Variants in ANP32A observed in about 807,000 individuals in gnomAD.
ANP32A encodes the protein acidic nuclear phosphoprotein 32 family member A.
In ANP32A, 1 loss-of-function variant was observed where a neutral mutation model predicts 33.9. The observed-to-expected ratio is 0.03, with a 90% CI of 0.01 to 0.14. The LOEUF is 0.14. Ranked by LOEUF, ANP32A falls within the 10% of genes least tolerant of loss-of-function variation. The pLI is 1.00. For missense variants in ANP32A, 155 were observed against 306.0 expected (o/e 0.51, Z 3.68); for synonymous variants, 115 against 120.5 (o/e 0.95, Z 0.30).
At chr15:68,788,989 C>T (rs984866704) in intron 1 of ANP32A, among the ~76,000 whole-genome samples, 5 of 152,038 alleles carry the variant, frequency 3.3e-5, no homozygotes, top group African/African-American at 7.2e-5. Context: ...AAAGACAGGC[C>T]GAGGAAAAGT....
intron 1 of ANP32A, among the ~76,000 whole-genome samples, chr15:68,800,696 ATCCCGCCACTGC>A: frequency 3.2e-4 from 1 of 3,174 alleles, no homozygotes; most frequent in Non-Finnish European, 2.0e-3. Flanking sequence ...GTGAGCCGAG[ATCCCGCCACTGC>A]GCTCCAGCCT....
chr15:68,794,288 G>A (rs532596178), intron 1 of ANP32A, among the ~76,000 whole-genome samples: 3 of 152,304 alleles, frequency 2.0e-5, no homozygotes, highest in South Asian at 4.1e-4. Context: ...TAGTAAATAC[G>A]AGGCCTCTTA....
chr15:68,785,224 G>A (rs1038056310), intron 3 of ANP32A, among the ~76,000 whole-genome samples: 1 of 152,190 alleles, frequency 6.6e-6, no homozygotes, highest in Non-Finnish European at 1.5e-5. Context: ...AAAAGGACAA[G>A]AGAAAAAGCA....
At chr15:68,806,140 G>C (rs1028518687) in intron 1 of ANP32A, among the ~76,000 whole-genome samples, 8 of 152,198 alleles carry the variant, frequency 5.3e-5, no homozygotes, top group African/African-American at 1.9e-4. Context: ...GTTAACATCA[G>C]ACAGTAGTGG....
rs549406619 is a variant in ANP32A at position 68,815,380 on chromosome 15, TGATA to T, written c.54+5314_54+5317del. On this transcript the variant is annotated intron_variant, in intron 1 of 6. Transcript: ENST00000465139. ...TAACACATTTCCACAATTCTTTTAT[TGATA>T]AAGTTCAGAATATATTGAGTACAAT... Among the ~76,000 whole-genome samples the T allele has an allele frequency of 8.6e-4, 131 of 152,240 alleles. 3 individuals carry two copies. In the South Asian group the frequency reaches 0.027, roughly 31 times the overall value.
In ANP32A at chr15:68,779,739, A is replaced by T. The variant is rs114532428; in HGVS notation, c.*342T>A. On this transcript the variant is annotated 3_prime_UTR_variant, in exon 7 of 7. Transcript: ENST00000465139. ...CAACCCAAGAGACTTGGGAAATACC[A>T]GGAAACGTAAGAGAACTCCAAACCA... is the stretch of plus-strand genomic sequence containing the variant. 1,561 of 220,012 alleles carry T rather than the reference A, an allele frequency of 7.1e-3. 36 individuals are homozygous for T. The highest frequency in any genetic ancestry group is 0.034 in the African/African-American group (1,479 of 43,624). The allele number at this position is 220,012 out of a possible 1,614,324, so 13.6% of individuals were successfully genotyped here.
At chr15:68,812,641 T>C (rs1894328621) in intron 1 of ANP32A, among the ~76,000 whole-genome samples, 1 of 152,182 alleles carries the variant, frequency 6.6e-6, no homozygotes, top group Non-Finnish European at 1.5e-5. Context: ...TAAAGAAACC[T>C]TAATATTCAT....
chr15:68,783,300 G>A (rs1415755556), intron 4 of ANP32A, among the ~76,000 whole-genome samples: 1 of 152,112 alleles, frequency 6.6e-6, no homozygotes, highest in East Asian at 1.9e-4. Context: ...CCTTCTGGAG[G>A]CCTCTCACAC....
rs143417993 is a variant in ANP32A at position 68,788,167 on chromosome 15, G to T, written c.55-248C>A. Among the ~76,000 whole-genome samples, 635 of 152,272 alleles carry T rather than the reference G, an allele frequency of 4.2e-3. 3 individuals are homozygous for T. The highest frequency in any genetic ancestry group is 0.015 in the African/African-American group (606 of 41,556). On this transcript the variant is annotated intron_variant, in intron 1 of 6. Transcript: ENST00000465139. Reference sequence around the variant, plus strand: ...GTGGTGAGCCGAGCTGCAGAACCAGGGGGCCACTCCAGACAGGGGCCTTGG... The same window carrying T: ...GTGGTGAGCCGAGCTGCAGAACCAGTGGGCCACTCCAGACAGGGGCCTTGG...
rs192185046 is a variant in ANP32A at position 68,781,664 on chromosome 15, T to A, written c.625-1191A>T. 2.0e-5 allele frequency: 3 copies of A among 151,502 alleles called. No individual in the cohort carries two copies. In the East Asian group the frequency reaches 5.9e-4, roughly 30 times the overall value. 9.4% of individuals were successfully genotyped at this position (151,502 alleles called of 1,614,324 possible). On this transcript the variant is annotated intron_variant, in intron 5 of 6. Coordinates refer to ENST00000465139, the MANE Select transcript of ANP32A (RefSeq NM_006305.4). ...TATTGCCCAGGCTGGAATGCAGCGG[T>A]GCCATCTCGGCTCACTGCAACCTCT...
intron 1 of ANP32A, among the ~76,000 whole-genome samples, chr15:68,806,069 G>A (rs17346830): frequency 0.012 from 1,836 of 152,244 alleles, 19 homozygotes; most frequent in Non-Finnish European, 0.02. Context: ...GGCACCTCTG[G>A]GTAAGCCACA....
intron 1 of ANP32A, among the ~76,000 whole-genome samples, chr15:68,807,473 C>CAGAG (rs1894249913): frequency 6.7e-6 from 1 of 148,812 alleles, no homozygotes; most frequent in African/African-American, 2.4e-5. Context: ...CCTGCCCCTC[C>CAGAG]CCTCCGCTTC....
At chr15:68,807,726 C>T (rs1175581984) in intron 1 of ANP32A, among the ~76,000 whole-genome samples, 3 of 152,202 alleles carry the variant, frequency 2.0e-5, no homozygotes, top group Admixed American at 6.5e-5. Flanking sequence ...GGTTATTCAC[C>T]GTTTCACAGA....
In ANP32A at chr15:68,820,818, C is replaced by A. The variant is rs905749252; in HGVS notation, c.-67G>T. ...ATTCAATCAATAAACCCCGAACCCA[C>A]GGCCGCGCGTTTTAGGACTTTGAAG... On this transcript the variant is annotated 5_prime_UTR_variant, in exon 1 of 7. Transcript: ENST00000465139. 40 of 1,597,306 alleles carry A rather than the reference C, an allele frequency of 2.5e-5. No homozygotes were observed. Among genetic ancestry groups the A allele is most frequent in the Non-Finnish European group, 3.3e-5 (38 of 1,166,256 alleles).
At chr15:68,811,570 C>A (rs572979372) in intron 1 of ANP32A, among the ~76,000 whole-genome samples, 1 of 152,102 alleles carries the variant, frequency 6.6e-6, no homozygotes, top group East Asian at 1.9e-4. Flanking sequence ...AGAAGAGGGA[C>A]GAGTCACTTA....
rs761639170 is a variant in ANP32A, at chr15:68,784,343, GC to G, written c.526+53del. 4.5e-6 allele frequency: 7 copies of G among 1,565,542 alleles called. No homozygotes were observed. The South Asian group carries it at 8.0e-5, about 18-fold the overall frequency. On this transcript the variant is annotated intron_variant, in intron 4 of 6. Transcript: ENST00000465139. ...CCCACCTCTGCAAAGCCAAGGACGAGCCCCAAGGCCTCAGCTGGGCCCCTGC... is the reference window on the plus strand; with the variant it reads ...CCCACCTCTGCAAAGCCAAGGACGAGCCCAAGGCCTCAGCTGGGCCCCTGC...
chr15:68,791,106 C>T (rs1224145160), intron 1 of ANP32A: 5 of 152,224 alleles, frequency 3.3e-5, no homozygotes, highest in African/African-American at 4.8e-5. Flanking sequence ...GAAGTCCTGC[C>T]CCATATCTAG....
chr15:68,788,286 C>A (rs1893958245), intron 1 of ANP32A, among the ~76,000 whole-genome samples: 1 of 152,236 alleles, frequency 6.6e-6, no homozygotes, highest in African/African-American at 2.4e-5. Context: ...CCAAAACCCA[C>A]ATGCACCAGC....
intron 1 of ANP32A, 64 bp from the exon 2 acceptor site, chr15:68,787,983 T>TA: frequency 6.2e-7 from 1 of 1,600,504 alleles, no homozygotes; most frequent in East Asian, 2.2e-5. Flanking sequence ...GGGAGGGTGT[T>TA]AGAGGACTCC....
Sources: gnomAD v4.1 joint callset for allele counts (sites outside exome capture counted in the v4.1 genomes callset) on GRCh38, gnomAD v4.1.1 for gene constraint, MANE v1.5 for transcripts, NCBI Gene and HGNC (gene_info 2026-07-23, HGNC 2026-07-21) for gene names.